Variants in SASS6 observed in about 807,000 individuals in gnomAD.
SASS6 encodes the protein SAS-6 centriolar assembly protein, also known as spindle assembly abnormal protein 6 homolog.
SASS6 carries 59 observed loss-of-function variants against 94.9 expected under a neutral mutation model. That is an observed-to-expected ratio of 0.62 (90% CI 0.50 to 0.77). The LOEUF (loss-of-function observed/expected upper bound fraction) is 0.77, where lower values mean the gene tolerates loss of function less well. Ranked by LOEUF, SASS6 falls within the 30% of genes least tolerant of loss-of-function variation. The pLI is 0.00. For synonymous variants in SASS6, 264 were observed against 270.0 expected (o/e 0.98, Z 0.22); for missense variants, 698 against 734.1 (o/e 0.95, Z 0.57).
chr1:100,120,975 G>A (rs551154670), intron 5 of SASS6, among the ~76,000 whole-genome samples: 47 of 149,908 alleles, frequency 3.1e-4, no homozygotes, highest in Admixed American at 2.6e-3. Context: ...GCGTGAACCC[G>A]GGAGGCGGAG....
At chr1:100,113,684 TA>T (rs1449971213) in intron 7 of SASS6, among the ~76,000 whole-genome samples, 1 of 138,568 alleles carries the variant, frequency 7.2e-6, no homozygotes, top group African/African-American at 2.7e-5. Flanking sequence ...ATTAACGAAA[TA>T]GGGGGAGAAA....
intron 13 of SASS6, among the ~76,000 whole-genome samples, chr1:100,105,030 C>G (rs555131703): frequency 2.0e-5 from 3 of 152,248 alleles, no homozygotes; most frequent in African/African-American, 7.2e-5. Context: ...CTAAAGGTGA[C>G]AAGCCTGCTA....
chr1:100,110,965 G>A (rs1653283908), intron 7 of SASS6, among the ~76,000 whole-genome samples: 1 of 151,888 alleles, frequency 6.6e-6, no homozygotes, highest in African/African-American at 2.4e-5. Context: ...AGCAAGGTTG[G>A]TTCATTAGTC....
chr1:100,120,210 T>C (rs1391530119), intron 6 of SASS6, among the ~76,000 whole-genome samples, 184 bp downstream of exon 6: 3 of 152,134 alleles, frequency 2.0e-5, no homozygotes, highest in Non-Finnish European at 4.4e-5. Flanking sequence ...TAAAATCAAG[T>C]ATGTACAAGA....
chr1:100,103,040 G>C lies in SASS6; in HGVS notation c.1589C>G (p.Pro530Arg). The C allele has an allele frequency of 6.2e-7, 1 of 1,606,802 alleles. No homozygotes were observed. The highest frequency in any genetic ancestry group is 8.5e-7 in the Non-Finnish European group (1 of 1,173,632). The change falls in exon 14 of 17, where the codon CCT becomes CGT. Residue 530 changes from proline to arginine, a missense_variant. Pro to Arg is a moderately radical substitution (Grantham distance 103, BLOSUM62 -2). Coordinates refer to ENST00000287482, the MANE Select transcript of SASS6 (RefSeq NM_194292.3). The stretch of plus-strand genomic sequence containing the variant: ...CTGGAATGCAAATGCAGAGGAGACA[G>C]GATAACCAATCCCACAGGTTGGGTA... The part of the protein sequence containing the change: ...LTYPTCGIGY[P>R]VSSAFAFQNT...
intron 7 of SASS6, among the ~76,000 whole-genome samples, chr1:100,113,014 T>C (rs928743804): frequency 3.9e-5 from 6 of 152,284 alleles, no homozygotes; most frequent in Admixed American, 3.9e-4. Context: ...GAAAGTGCAA[T>C]ACAGAAATAC....
rs778895462 is a variant in SASS6, at chr1:100,083,805, AAG to A, written c.*1521_*1522del. Reference sequence around the variant, plus strand: ...AACTTTCCTTGTGTATATATATGCAAAGAGATACCTATATTTTAAAAAAGAGA... The same window carrying A: ...AACTTTCCTTGTGTATATATATGCAAAGATACCTATATTTTAAAAAAGAGA... On this transcript the variant is annotated 3_prime_UTR_variant, in exon 17 of 17. Transcript: ENST00000287482. 6.6e-6 allele frequency: 1 copy of A among 151,854 alleles called. No individual in the cohort carries two copies. The highest frequency in any genetic ancestry group is 1.5e-5 in the Non-Finnish European group (1 of 67,934). The allele number at this position is 151,854 out of a possible 1,614,324, so 9.4% of individuals were successfully genotyped here.
intron 7 of SASS6, among the ~76,000 whole-genome samples, chr1:100,113,058 CA>C (rs1653463763): frequency 2.0e-5 from 3 of 152,236 alleles, no homozygotes; most frequent in Admixed American, 2.0e-4. Flanking sequence ...GAGTTTTAAA[CA>C]AATGCCCTTA....
At chr1:100,112,239 GA>G (rs1653393940) in intron 7 of SASS6, among the ~76,000 whole-genome samples, 1 of 151,956 alleles carries the variant, frequency 6.6e-6, no homozygotes, top group African/African-American at 2.4e-5. Flanking sequence ...AGTTTTGGAA[GA>G]ATATTAGATG....
At chr1:100,087,941 G>A (rs1252721921) in intron 15 of SASS6, among the ~76,000 whole-genome samples, 198 bp downstream of exon 15, 2 of 152,164 alleles carry the variant, frequency 1.3e-5, no homozygotes, top group South Asian at 2.1e-4. Flanking sequence ...TGAGTAGATT[G>A]TTGGAGGAGG....
At chr1:100,115,743 G>T (rs992288495) in intron 7 of SASS6, among the ~76,000 whole-genome samples, 17 of 152,064 alleles carry the variant, frequency 1.1e-4, no homozygotes. Context: ...CAGAAGGATC[G>T]CTGGAGGTTG....
intron 3 of SASS6, 67 bp from the exon 4 acceptor site, chr1:100,122,551 T>TTC (rs1306163336): frequency 3.4e-6 from 1 of 291,388 alleles, no homozygotes; most frequent in African/African-American, 2.4e-5. Flanking sequence ...TTTGGTGCCT[T>TTC]TTTTTTTTTT....
intron 14 of SASS6, among the ~76,000 whole-genome samples, chr1:100,098,461 T>C (rs1438460158): frequency 6.6e-6 from 1 of 151,736 alleles, no homozygotes; most frequent in Non-Finnish European, 1.5e-5. Context: ...ACAGGAAACA[T>C]AACCTACAAA....
intron 7 of SASS6, among the ~76,000 whole-genome samples, chr1:100,112,483 TG>T (rs1216835023): frequency 3.3e-5 from 5 of 152,056 alleles, no homozygotes; most frequent in African/African-American, 1.2e-4. Flanking sequence ...TTTTTTTAAA[TG>T]GAGGTATAAA....
chr1:100,086,814 G>A (rs1044239826), intron 15 of SASS6, among the ~76,000 whole-genome samples: 1 of 151,522 alleles, frequency 6.6e-6, no homozygotes, highest in African/African-American at 2.4e-5. Context: ...CCATGTAGCT[G>A]GGACTACAGG....
At chr1:100,120,015 T>C (rs1332965803) in intron 6 of SASS6, among the ~76,000 whole-genome samples, 1 of 152,164 alleles carries the variant, frequency 6.6e-6, no homozygotes, top group Non-Finnish European at 1.5e-5. Context: ...ATCAGAGGAA[T>C]TAATTCTAAA....
In SASS6 at chr1:100,120,459, C is replaced by T; in HGVS notation, c.484G>A (p.Glu162Lys). ...FLAGCLKCSK[E>K]EKLSLMQSLD... ...GATTGCATCAATGATAATTTTTCTTCCTATTCATAAAAATAATAAAATTAC... is the reference window on the plus strand; with the variant it reads ...GATTGCATCAATGATAATTTTTCTTTCTATTCATAAAAATAATAAAATTAC... Residue 162 changes from glutamate (E) to lysine (K), a missense_variant and splice_region_variant, in exon 6 of 17, where the codon GAA becomes AAA. Physicochemically the swap from Glu to Lys is moderately conservative, Grantham distance 56. Transcript: ENST00000287482. 2.2e-6 allele frequency: 3 copies of T among 1,350,854 alleles called. No homozygotes were observed. Among genetic ancestry groups the T allele is most frequent in the South Asian group, 2.3e-5 (2 of 85,388 alleles). The allele number at this position is 1,350,854 out of a possible 1,614,324, so 83.7% of individuals were successfully genotyped here.
At chr1:100,094,930 CA>C (rs1335097059) in intron 14 of SASS6, among the ~76,000 whole-genome samples, 1 of 150,198 alleles carries the variant, frequency 6.7e-6, no homozygotes, top group Non-Finnish European at 1.5e-5. Context: ...AAAAAGAATA[CA>C]CCATGACCAA....
rs748336085 is a variant in SASS6, at chr1:100,085,566, C to T, written c.1837G>A (p.Gly613Arg). The stretch of plus-strand genomic sequence containing the variant: ...TTACTAAATAGGTTCTGGCTGAGTC[C>T]GCGTAAAGGAATGCTATCTTCCCTT... The part of the protein sequence containing the change: ...KKREDSIPLR[G>R]LSQNLFSNSD... The change falls in exon 16 of 17, where the codon GGA (glycine) becomes AGA (arginine). Residue 613 changes from glycine to arginine, a missense_variant. By Grantham distance (125) the Gly-to-Arg change is moderately radical. Coordinates refer to ENST00000287482, the MANE Select transcript of SASS6 (RefSeq NM_194292.3). 5.6e-6 allele frequency: 9 copies of T among 1,612,824 alleles called. No individual in the cohort carries two copies. The highest frequency in any genetic ancestry group is 3.3e-5 in the Admixed American group (2 of 59,968).
Sources: gnomAD v4.1 joint callset for allele counts (sites outside exome capture counted in the v4.1 genomes callset) on GRCh38, gnomAD v4.1.1 for gene constraint, MANE v1.5 for transcripts, NCBI Gene and HGNC (gene_info 2026-07-23, HGNC 2026-07-21) for gene names.